Variants in PLEC observed in about 807,000 individuals in gnomAD.
PLEC encodes hemidesmosomal protein 1.
A neutral mutation model predicts 392.8 loss-of-function variants in PLEC; 216 were observed. That is an observed-to-expected ratio of 0.55 (90% CI 0.49 to 0.62). The LOEUF (loss-of-function observed/expected upper bound fraction) is 0.62, where lower values mean the gene tolerates loss of function less well. PLEC is among the 20% of genes least tolerant of loss of function. The pLI is 0.00. For synonymous variants in PLEC, 3,621 were observed against 2,980.6 expected (o/e 1.21, Z -7.00); for missense variants, 6,863 against 6,563.4 (o/e 1.05, Z -1.58).
At chr8:143,973,950 GA>G (rs1400670000), upstream of PLEC, among the ~76,000 whole-genome samples, 2 of 152,130 alleles carry the variant, frequency 1.3e-5, no homozygotes, top group Non-Finnish European at 2.9e-5. The surrounding 1 kb of genome is among the most constrained non-coding windows in gnomAD (Gnocchi z 5.6). Context: ...CTACACACAA[GA>G]AAAATTAAGT....
chr8:143,935,199 C>G lies in PLEC; in HGVS notation c.717G>C (p.Glu239Asp). 1.9e-6 allele frequency: 3 copies of G among 1,612,572 alleles called. No homozygotes were observed. Among genetic ancestry groups the G allele is most frequent in the Non-Finnish European group, 2.5e-6 (3 of 1,179,738 alleles). The change falls in exon 7 of 32, where the codon GAG (glutamate) becomes GAC (aspartate). Residue 239 changes from glutamate to aspartate, a missense_variant and splice_region_variant. Transcript: ENST00000345136. Reference sequence around the variant, plus strand: ...GGGAGGAAGGCCACGCAGACGTACCCTCAGGGTCCAGGAGCCGCGTCACTC... The same window carrying G: ...GGGAGGAAGGCCACGCAGACGTACCGTCAGGGTCCAGGAGCCGCGTCACTC... ...DLGVTRLLDP[E>D]DVDVPQPDEK...
chr8:143,932,022 G>A lies in PLEC; in HGVS notation c.2093C>T (p.Ala698Val), dbSNP rs1373860165. Reference sequence around the variant, plus strand: ...CCAGCTCCACTGCGTCTGCAGGGCCGCCTGGAAGGACTGCGGGACAGCAGG... The same window carrying A: ...CCAGCTCCACTGCGTCTGCAGGGCCACCTGGAAGGACTGCGGGACAGCAGG... ...PARPTVESFQ[A>V]ALQTQWSWML... The change falls in exon 18 of 32, where the codon GCG becomes GTG. Residue 698 changes from alanine to valine, a missense_variant. Ala to Val is a moderately conservative substitution (Grantham distance 64). Coordinates refer to ENST00000345136, the MANE Select transcript of PLEC (RefSeq NM_201384.3). 3.2e-5 allele frequency: 51 copies of A among 1,601,032 alleles called. No homozygotes were observed. Among genetic ancestry groups the A allele is most frequent in the Non-Finnish European group, 3.9e-5 (46 of 1,174,930 alleles).
Position 143,921,507 on chromosome 8 carries a change from G to A in PLEC, c.8314C>T (p.Arg2772Cys), listed in dbSNP as rs566171490. 25 of 1,612,846 alleles carry A rather than the reference G, an allele frequency of 1.6e-5. No homozygotes were observed. Among genetic ancestry groups the A allele is most frequent in the African/African-American group, 5.3e-5 (4 of 74,984 alleles). Residue 2772 changes from arginine to cysteine, a missense_variant, in exon 32 of 32, where the codon CGC becomes TGC. Coordinates refer to ENST00000345136, the MANE Select transcript of PLEC (RefSeq NM_201384.3). ...GGGTCCTTGTAGCCAGTGACGGCGC[G>A]CTCGGCCGACAGCAGCTTGTGGTGC... is the stretch of plus-strand genomic sequence containing the variant. ...ELHHKLLSAE[R>C]AVTGYKDPYT...
rs868984089 is a variant in PLEC, at chr8:143,973,427, C to A, written c.46G>T (p.Glu16Ter). The A allele has an allele frequency of 6.5e-7, 1 of 1,548,258 alleles. No individual in the cohort carries two copies. The highest frequency in any genetic ancestry group is 8.7e-7 in the Non-Finnish European group (1 of 1,147,336). Residue 16 changes from glutamate to a stop codon, truncating the protein, a stop_gained, in exon 1 of 32, where the codon GAG (glutamate) becomes TAG (stop). Coordinates refer to the PLEC transcript ENST00000356346. LOFTEE classifies it high-confidence loss of function. This position sits in a 1 kb window ranked among gnomAD's most constrained non-coding sequence, Gnocchi z 5.6. ...CCTTTGTACTTCTCGCGCACCTCCT[C>A]GTAGGCCTGGATGAAGTCCTGCTCG... is the stretch of plus-strand genomic sequence containing the variant.
Position 143,918,632 on chromosome 8 carries a change from G to A in PLEC, c.11189C>T (p.Thr3730Ile), listed in dbSNP as rs1563947329. Residue 3730 changes from threonine to isoleucine, a missense_variant, in exon 32 of 32, where the codon ACA becomes ATA. Coordinates refer to ENST00000345136, the MANE Select transcript of PLEC (RefSeq NM_201384.3). ...ARLLLEAQAATGFLLDPVKGE... is the reference protein window; with the variant it reads ...ARLLLEAQAAIGFLLDPVKGE... ...CTTCACCGGGTCCAGCAGGAAGCCT[G>A]TGGCTGCCTGTGCCTCCAGCAGCAG... 1.9e-6 allele frequency: 3 copies of A among 1,612,712 alleles called. No homozygotes were observed. Among genetic ancestry groups the A allele is most frequent in the South Asian group, 2.2e-5 (2 of 91,086 alleles).
chr8:143,923,293 C>A lies in PLEC; in HGVS notation c.6636G>T (p.Leu2212=). 1 of 1,608,704 alleles carries A rather than the reference C, an allele frequency of 6.2e-7. No homozygotes were observed. The part of the protein sequence containing the change: ...KNLLDEELQR[L]KAEATEAARQ... The stretch of plus-strand genomic sequence containing the variant: ...GTGCGGCCTCCGTGGCCTCCGCCTT[C>A]AGCCGCTGCAGCTCCTCGTCCAGCA... The change falls in exon 31 of 32, where the codon CTG becomes CTT. Residue 2212 remains leucine (L), a synonymous_variant. Transcript: ENST00000345136.
upstream of PLEC, chr8:143,942,294 A>G (rs1830630662): frequency 5.5e-6 from 8 of 1,465,416 alleles, no homozygotes; most frequent in South Asian, 7.1e-5. Context: ...CGCCACCCCC[A>G]TCCCAGCCCA....
upstream of PLEC, chr8:143,942,541 C>T: frequency 1.3e-6 from 2 of 1,547,402 alleles, no homozygotes; most frequent in Non-Finnish European, 8.7e-7. Flanking sequence ...AGCCCTGGTT[C>T]GGCCCACGGA....
In PLEC at chr8:143,918,750, A is replaced by T; in HGVS notation, c.11071T>A (p.Ser3691Thr). 1 of 1,613,042 alleles carries T rather than the reference A, an allele frequency of 6.2e-7. No individual in the cohort carries two copies. Among genetic ancestry groups the T allele is most frequent in the Non-Finnish European group, 8.5e-7 (1 of 1,180,000 alleles). ...SAWCYLYGTG[S>T]VAGVYLPGSR... ...CCGGGCAGGTAGACACCAGCCACGG[A>T]GCCCGTGCCATAGAGGTAGCACCAG... Residue 3691 changes from serine to threonine, a missense_variant, in exon 32 of 32, where the codon TCC becomes ACC. Coordinates refer to ENST00000345136, the MANE Select transcript of PLEC (RefSeq NM_201384.3).
rs782134003 is a variant in PLEC, at chr8:143,934,056, T to C, written c.1205A>G (p.Gln402Arg). The C allele has an allele frequency of 1.2e-6, 2 of 1,611,826 alleles. No individual in the cohort carries two copies. Among genetic ancestry groups the C allele is most frequent in the Admixed American group, 3.3e-5 (2 of 59,960 alleles). ...CTCCTCACACAGCCCCGCCTCCATCTGCAGCTTGGTCACGATGCGCTGAAG... is the reference window on the plus strand; with the variant it reads ...CTCCTCACACAGCCCCGCCTCCATCCGCAGCTTGGTCACGATGCGCTGAAG... ...ECLQRIVTKL[Q>R]MEAGLCEEQL... The change falls in exon 12 of 32, where the codon CAG becomes CGG. Residue 402 changes from glutamine to arginine, a missense_variant. By Grantham distance (43) the Gln-to-Arg change is conservative. Transcript: ENST00000345136.
At chr8:143,929,050 C>T in intron 25 of PLEC, 53 bp downstream of exon 25, 1 of 1,498,718 alleles carries the variant, frequency 6.7e-7, no homozygotes, top group South Asian at 1.2e-5. Flanking sequence ...CAGCCCTCAC[C>T]CCAGCACCCC....
In PLEC at chr8:143,931,951, C is replaced by T. The variant is rs372281911; in HGVS notation, c.2164G>A (p.Ala722Thr). 1.1e-5 allele frequency: 18 copies of T among 1,606,412 alleles called. No homozygotes were observed. Among genetic ancestry groups the T allele is most frequent in the East Asian group, 4.5e-5 (2 of 44,808 alleles). Residue 722 changes from alanine (A) to threonine (T), a missense_variant, in exon 18 of 32, where the codon GCT becomes ACT. Ala to Thr is a moderately conservative substitution (Grantham distance 58, BLOSUM62 0). Transcript: ENST00000345136. ...CCGGTTCTCACCTGAAAGTAGGCAG[C>T]GTTCTCCTTCAGGTGTGCCTCGATA... ...CCIEAHLKEN[A>T]AYFQFFSDVR...
rs1393488289 is a variant in PLEC, at chr8:143,934,885, C to G, written c.870G>C (p.Leu290=). 2 of 1,611,264 alleles carry G rather than the reference C, an allele frequency of 1.2e-6. No homozygotes were observed. The highest frequency in any genetic ancestry group is 2.7e-5 in the African/African-American group (2 of 74,938). The change falls in exon 9 of 32, where the codon CTG becomes CTC. Residue 290 remains leucine (L), a synonymous_variant. Coordinates refer to ENST00000345136, the MANE Select transcript of PLEC (RefSeq NM_201384.3). ...TGTGGTGTCGCATCCACTGAAGCAG[C>G]AGCAGCACCAGCTCCCGGTACTCCT... ...RWQEYRELVL[L]LLQWMRHHTA... is the part of the protein sequence containing the mutation.
At chr8:143,933,969 C>A (rs574923938) in intron 12 of PLEC, 29 bp downstream of exon 12, 3 of 1,575,564 alleles carry the variant, frequency 1.9e-6, no homozygotes, top group East Asian at 4.6e-5. Context: ...GCCTCCCTCC[C>A]GCCCACTGCC....
chr8:143,953,474 C>CGCT (rs1283187435), upstream of PLEC, among the ~76,000 whole-genome samples: 7 of 151,816 alleles, frequency 4.6e-5, no homozygotes, highest in African/African-American at 1.5e-4. Flanking sequence ...CCGCCGCCGC[C>CGCT]GCTGCAGCAG....
At chr8:143,954,848 A>G (rs1832504472), upstream of PLEC, among the ~76,000 whole-genome samples, 1 of 152,192 alleles carries the variant, frequency 6.6e-6, no homozygotes, top group South Asian at 2.1e-4. The surrounding 1 kb of genome is among the most constrained non-coding windows in gnomAD (Gnocchi z 4.6). Flanking sequence ...ACAAGATAGA[A>G]GTGACTAGCC....
rs999196693 is a variant in PLEC at position 143,918,376 on chromosome 8, G to A, written c.11445C>T (p.Gly3815=). The A allele has an allele frequency of 2.6e-6, 4 of 1,567,440 alleles. No individual in the cohort carries two copies. In the African/African-American group the frequency reaches 4.0e-5, roughly 16 times the overall value. The change falls in exon 32 of 32, where the codon GGC becomes GGT. Residue 3815 remains glycine (G), a synonymous_variant. Coordinates refer to ENST00000345136, the MANE Select transcript of PLEC (RefSeq NM_201384.3). ...AAGCCACCTCCAGGGGAAGGTGGAAGCCCAGGCGGGGGTCCACGATGCCGC... is the reference window on the plus strand; with the variant it reads ...AAGCCACCTCCAGGGGAAGGTGGAAACCCAGGCGGGGGTCCACGATGCCGC... ...ATGGIVDPRL[G]FHLPLEVAYQ...
At position 143,923,928 on chromosome 8, in the gene PLEC, C is replaced by A. The variant is rs535202853; in HGVS notation, c.6001G>T (p.Ala2001Ser). 7.5e-6 allele frequency: 12 copies of A among 1,594,524 alleles called. 1 individual carries two copies. The South Asian group carries it at 8.8e-5, about 12-fold the overall frequency. Residue 2001 changes from alanine (A) to serine (S), a missense_variant, in exon 31 of 32, where the codon GCA becomes TCA. Coordinates refer to ENST00000345136, the MANE Select transcript of PLEC (RefSeq NM_201384.3). ...TCCAGCGCCGCCTTCCGCTGCCGTG[C>A]GGCCTCCTCCTCGGCCGCCAGGCTC... ...QKSLAAEEEA[A>S]RQRKAALEEV...
chr8:143,936,141 G>A (rs2061167279), intron 5 of PLEC, 127 bp from the exon 6 acceptor site: 1 of 1,005,248 alleles, frequency 9.9e-7, no homozygotes, highest in South Asian at 1.3e-5. Context: ...CACCAAACCA[G>A]CCAGGGCAGC....
Sources: gnomAD v4.1 joint callset for allele counts (sites outside exome capture counted in the v4.1 genomes callset) on GRCh38, gnomAD v4.1.1 for gene constraint, Gnocchi (gnomAD v3.1) non-coding constraint, MANE v1.5 for transcripts, NCBI Gene and HGNC (gene_info 2026-07-23, HGNC 2026-07-21) for gene names.